IFT81: variants seen among roughly 807,000 people sequenced by gnomAD.
The protein encoded by IFT81 is intraflagellar transport 81, also known as intraflagellar transport protein 81 homolog.
Under a neutral mutation model 102.6 loss-of-function variants are expected in IFT81, and 72 were observed. The ratio of observed to expected loss-of-function variants is 0.70; its 90% CI spans 0.58 to 0.85. The LOEUF (loss-of-function observed/expected upper bound fraction) is 0.85, where lower values mean the gene tolerates loss of function less well. Ranked by LOEUF, IFT81 falls within the 40% of genes least tolerant of loss-of-function variation. The probability of loss-of-function intolerance (pLI) is 0.00; values close to 1 mark genes in which losing one functional copy is unlikely to be tolerated. For synonymous variants in IFT81, 237 were observed against 242.7 expected (o/e 0.98, Z 0.22); for missense variants, 723 against 787.3 (o/e 0.92, Z 0.98).
At chr12:110,154,205 G>A (rs936451338) in intron 10 of IFT81, among the ~76,000 whole-genome samples, 1 of 148,454 alleles carries the variant, frequency 6.7e-6, no homozygotes, top group Non-Finnish European at 1.5e-5. Flanking sequence ...GTCTGGTCTT[G>A]AACTCCTGAC....
intron 10 of IFT81, among the ~76,000 whole-genome samples, chr12:110,161,045 ATATT>A (rs1163257838): frequency 1.3e-5 from 2 of 151,368 alleles, no homozygotes; most frequent in Non-Finnish European, 2.9e-5. Context: ...GATGAAGTTT[ATATT>A]TATTTTATCA....
At chr12:110,208,609 C>T (rs1416069862) in intron 17 of IFT81, among the ~76,000 whole-genome samples, 1 of 152,138 alleles carries the variant, frequency 6.6e-6, no homozygotes, top group Non-Finnish European at 1.5e-5. Context: ...TGTATAACTC[C>T]TTATTATTTG....
intron 13 of IFT81, 76 bp from the exon 14 acceptor site, chr12:110,192,538 AATT>A (rs1897842862): frequency 9.4e-6 from 7 of 746,170 alleles, no homozygotes; most frequent in Non-Finnish European, 1.6e-5. Flanking sequence ...TTAACACTGA[AATT>A]AATATCTTTA....
intron 11 of IFT81, among the ~76,000 whole-genome samples, chr12:110,167,719 A>G (rs1896512999): frequency 6.6e-6 from 1 of 152,146 alleles, no homozygotes; most frequent in Admixed American, 6.5e-5. Context: ...TCAATACTTT[A>G]GATAAATAAT....
intron 18 of IFT81, 96 bp from the exon 19 acceptor site, chr12:110,217,948 C>T: frequency 3.7e-6 from 3 of 806,774 alleles, no homozygotes; most frequent in Non-Finnish European, 5.8e-6. Flanking sequence ...TATTTTTTAT[C>T]TACTGTAGAA....
At chr12:110,192,082 A>G (rs1897824286) in intron 13 of IFT81, among the ~76,000 whole-genome samples, 1 of 151,892 alleles carries the variant, frequency 6.6e-6, no homozygotes, top group Admixed American at 6.6e-5. Context: ...GAGGCATGAG[A>G]ATCACTTTAA....
rs80043689 is a variant in IFT81, at chr12:110,135,956, C to T, written c.696+519C>T. 3.1e-4 allele frequency among the ~76,000 whole-genome samples: 47 copies of T among 151,772 alleles called. No individual in the cohort carries two copies. The East Asian group carries it at 8.9e-3, about 29-fold the overall frequency. ...ACTCTGAATTGTATCTATACACTGT[C>T]TTTTGGCCTATGCTTACCTCGTGTT... On this transcript the variant is annotated intron_variant, in intron 7 of 18. Coordinates refer to ENST00000242591, the MANE Select transcript of IFT81 (RefSeq NM_014055.4).
At chr12:110,133,463 A>G (rs1010169899) in intron 5 of IFT81, among the ~76,000 whole-genome samples, 1 of 151,426 alleles carries the variant, frequency 6.6e-6, no homozygotes, top group African/African-American at 2.4e-5. Context: ...TCTCCAGAAA[A>G]AAAAAAAAAA....
At chr12:110,205,408 C>A (rs766626662) in intron 15 of IFT81, 35 bp from the exon 16 acceptor site, 21 of 1,551,934 alleles carry the variant, frequency 1.4e-5, no homozygotes, top group Non-Finnish European at 1.8e-5. Flanking sequence ...CTCATTCTTT[C>A]GATAATGTCA....
At chr12:110,139,822 T>C (rs10431382) in intron 8 of IFT81, among the ~76,000 whole-genome samples, 1 of 109,876 alleles carries the variant, frequency 9.1e-6, no homozygotes, top group African/African-American at 3.8e-5. Flanking sequence ...ATAAAATAAA[T>C]AAAATAAAAT....
intron 5 of IFT81, among the ~76,000 whole-genome samples, chr12:110,134,312 A>G (rs1894355754): frequency 6.6e-6 from 1 of 152,326 alleles, no homozygotes; most frequent in African/African-American, 2.4e-5. Flanking sequence ...ACTACCGTGT[A>G]TATTTTACCT....
intron 10 of IFT81, among the ~76,000 whole-genome samples, chr12:110,158,069 TTTTTA>T (rs1242253285): frequency 6.6e-6 from 1 of 152,068 alleles, no homozygotes; most frequent in Non-Finnish European, 1.5e-5. Flanking sequence ...TTTATTTTTA[TTTTTA>T]TTTTATTTTA....
chr12:110,169,624 A>G (rs752392535), intron 11 of IFT81, among the ~76,000 whole-genome samples: 18 of 152,178 alleles, frequency 1.2e-4, no homozygotes, highest in Non-Finnish European at 2.1e-4. Context: ...GTGCACTGAC[A>G]TGATCTCAAC....
At chr12:110,139,883 TAAA>T (rs1481051521) in intron 8 of IFT81, among the ~76,000 whole-genome samples, 1 of 142,196 alleles carries the variant, frequency 7.0e-6, no homozygotes, top group Admixed American at 7.0e-5. Flanking sequence ...TAAAATAAAA[TAAA>T]ATAAAATAAA....
intron 5 of IFT81, among the ~76,000 whole-genome samples, chr12:110,134,333 T>C (rs183588604): frequency 6.6e-5 from 10 of 152,342 alleles, no homozygotes; most frequent in Admixed American, 4.6e-4. Context: ...TTACTATTAC[T>C]GCGATATTTA....
intron 5 of IFT81, among the ~76,000 whole-genome samples, chr12:110,134,147 C>G (rs1894344793): frequency 6.6e-6 from 1 of 152,116 alleles, no homozygotes; most frequent in Non-Finnish European, 1.5e-5. Context: ...ATTACAGGCA[C>G]TTGCCACCAC....
intron 9 of IFT81, among the ~76,000 whole-genome samples, chr12:110,146,081 C>G (rs1433496368): frequency 6.6e-6 from 1 of 151,858 alleles, no homozygotes; most frequent in East Asian, 1.9e-4. Context: ...CAAAGTGCTT[C>G]AATTACAGAT....
At chr12:110,167,843 G>C (rs1236811224) in intron 11 of IFT81, 2 of 285,644 alleles carry the variant, frequency 7.0e-6, no homozygotes, top group African/African-American at 2.5e-5. Context: ...TTTTATTTAG[G>C]TTTCTTTTTT....
At chr12:110,179,851 A>G (rs1345101597) in intron 11 of IFT81, among the ~76,000 whole-genome samples, 1 of 146,024 alleles carries the variant, frequency 6.8e-6, no homozygotes, top group Non-Finnish European at 1.5e-5. Context: ...TAATATATAT[A>G]TATAATATAT....
Sources: gnomAD v4.1 joint callset for allele counts (sites outside exome capture counted in the v4.1 genomes callset) on GRCh38, gnomAD v4.1.1 for gene constraint, MANE v1.5 for transcripts, NCBI Gene and HGNC (gene_info 2026-07-23, HGNC 2026-07-21) for gene names.